The following THSD7A variants were observed in gnomAD, a reference collection of about 807,000 sequenced individuals.
THSD7A encodes thrombospondin type 1 domain containing 7A.
In THSD7A, 96 loss-of-function variants were observed where a neutral mutation model predicts 231.3. That is an observed-to-expected ratio of 0.41 (90% CI 0.35 to 0.49). The LOEUF (loss-of-function observed/expected upper bound fraction) is 0.49. THSD7A is among the 20% of genes least tolerant of loss of function. The pLI is 0.05. For synonymous variants in THSD7A, 940 were observed against 743.3 expected (o/e 1.26, Z -4.30); for missense variants, 2,290 against 2,070.2 (o/e 1.11, Z -2.06).
At chr7:11,450,625 G>T (rs757387422) in intron 11 of THSD7A, among the ~76,000 whole-genome samples, 2 of 151,954 alleles carry the variant, frequency 1.3e-5, no homozygotes, top group Non-Finnish European at 2.9e-5. Flanking sequence ...TCAACTTTAT[G>T]GATCTTAAAA....
At chr7:11,511,445 T>C (rs976143346) in intron 6 of THSD7A, among the ~76,000 whole-genome samples, 9 of 152,190 alleles carry the variant, frequency 5.9e-5, no homozygotes, top group Non-Finnish European at 1.2e-4. Flanking sequence ...TTAAAGTTCA[T>C]ATGGAACCAA....
At chr7:11,520,666 A>G (rs561782927) in intron 6 of THSD7A, among the ~76,000 whole-genome samples, 33 of 152,350 alleles carry the variant, frequency 2.2e-4, no homozygotes, top group African/African-American at 7.7e-4. Flanking sequence ...TTGACAAAAG[A>G]GTTTACAATT....
chr7:11,742,957 A>G (rs1782162235), intron 1 of THSD7A, among the ~76,000 whole-genome samples: 1 of 151,914 alleles, frequency 6.6e-6, no homozygotes, highest in African/African-American at 2.4e-5. Flanking sequence ...CATCAATGTT[A>G]GAAGTGTACC....
intron 1 of THSD7A, among the ~76,000 whole-genome samples, chr7:11,703,307 TA>T (rs1174067866): frequency 1.3e-5 from 2 of 151,216 alleles, no homozygotes; most frequent in Non-Finnish European, 3.0e-5. Context: ...AAAAATGGCC[TA>T]AAATGAACAC....
chr7:11,691,685 G>C (rs764221027), intron 1 of THSD7A, among the ~76,000 whole-genome samples: 1 of 151,058 alleles, frequency 6.6e-6, no homozygotes. Flanking sequence ...TTCAGAGTTA[G>C]TACTGTATTT....
chr7:11,678,366 G>C (rs908178219), intron 1 of THSD7A, among the ~76,000 whole-genome samples: 2 of 152,044 alleles, frequency 1.3e-5, no homozygotes, highest in African/African-American at 4.8e-5. Context: ...GAAGGAGATA[G>C]AGACACAAAA....
intron 11 of THSD7A, among the ~76,000 whole-genome samples, chr7:11,448,018 G>T (rs942379539): frequency 1.3e-5 from 2 of 151,950 alleles, no homozygotes; most frequent in Non-Finnish European, 2.9e-5. Flanking sequence ...TATTAGGAAG[G>T]GTTGGAATCA....
chr7:11,539,946 G>C (rs1298250865), intron 6 of THSD7A, among the ~76,000 whole-genome samples: 1 of 152,182 alleles, frequency 6.6e-6, no homozygotes, highest in African/African-American at 2.4e-5. Flanking sequence ...CTATTACTGA[G>C]GGAATTCAAT....
At chr7:11,589,801 T>C (rs1780080605) in intron 4 of THSD7A, among the ~76,000 whole-genome samples, 1 of 152,318 alleles carries the variant, frequency 6.6e-6, no homozygotes, top group Non-Finnish European at 1.5e-5. Context: ...TTATGATAAT[T>C]TTAGAGTCAT....
At chr7:11,525,465 AACTTACT>A in intron 6 of THSD7A, among the ~76,000 whole-genome samples, 1 of 152,178 alleles carries the variant, frequency 6.6e-6, no homozygotes, top group East Asian at 1.9e-4. Flanking sequence ...AAGCTTAAAC[AACTTACT>A]ACTTACAAGT....
intron 6 of THSD7A, among the ~76,000 whole-genome samples, chr7:11,494,189 GAC>G (rs1787008176): frequency 6.6e-6 from 1 of 151,950 alleles, no homozygotes; most frequent in South Asian, 2.1e-4. Flanking sequence ...CATGGATAAA[GAC>G]ATATTGAGTT....
chr7:11,737,072 A>G (rs905037204), intron 1 of THSD7A, among the ~76,000 whole-genome samples: 6 of 152,026 alleles, frequency 3.9e-5, no homozygotes, highest in African/African-American at 1.4e-4. Context: ...CTCCCCAACC[A>G]TGTGAAACTG....
intron 1 of THSD7A, among the ~76,000 whole-genome samples, chr7:11,660,342 T>A (rs929671049): frequency 1.4e-4 from 21 of 151,452 alleles, no homozygotes; most frequent in Admixed American, 1.1e-3. Flanking sequence ...AGCAAAGACT[T>A]GCAGAAAATT....
In THSD7A at chr7:11,750,068, A is replaced by C. The variant is rs182173978; in HGVS notation, c.190+81689T>G. Reference sequence around the variant, plus strand: ...AGACAGTGCTTTTCTAAATAACTGCAGGGTGGAATCCCTTCCCAGTTCCTG... The same window carrying C: ...AGACAGTGCTTTTCTAAATAACTGCCGGGTGGAATCCCTTCCCAGTTCCTG... On this transcript the variant is annotated intron_variant, in intron 1 of 27. Coordinates refer to ENST00000423059, the MANE Select transcript of THSD7A (RefSeq NM_015204.3). Among the ~76,000 whole-genome samples, 45 of 150,612 alleles carry C rather than the reference A, an allele frequency of 3.0e-4. No homozygotes were observed. The East Asian group carries it at 8.9e-3, about 30-fold the overall frequency.
rs531309848 is a variant in THSD7A, at chr7:11,426,841, A to T, written c.3244-170T>A. On this transcript the variant is annotated intron_variant, in intron 14 of 27. Transcript: ENST00000423059. ...CATTTTTCTTAGGTCTCAGGAGATA[A>T]TACACAACTACTTATTAATGTTAAA... Among the ~76,000 whole-genome samples, 6 of 152,306 alleles carry T rather than the reference A, an allele frequency of 3.9e-5. 1 individual carries two copies. The South Asian group carries it at 1.2e-3, about 32-fold the overall frequency.
intron 2 of THSD7A, among the ~76,000 whole-genome samples, chr7:11,596,914 T>C (rs910977349): frequency 3.3e-5 from 5 of 152,262 alleles, no homozygotes; most frequent in African/African-American, 1.2e-4. Flanking sequence ...CAGAAGCAAT[T>C]TGCCTTCAGC....
At chr7:11,595,933 T>C (rs944757048) in intron 2 of THSD7A, among the ~76,000 whole-genome samples, 1 of 152,190 alleles carries the variant, frequency 6.6e-6, no homozygotes, top group African/African-American at 2.4e-5. Context: ...CTGGCATTGG[T>C]TAATTAATCA....
intron 13 of THSD7A, among the ~76,000 whole-genome samples, chr7:11,432,587 C>G (rs1396189538): frequency 6.6e-6 from 1 of 152,000 alleles, no homozygotes; most frequent in African/African-American, 2.4e-5. Context: ...TTTGTGCTAG[C>G]CTTTTCACTC....
chr7:11,717,910 C>T (rs1583219863), intron 1 of THSD7A, among the ~76,000 whole-genome samples: 1 of 151,520 alleles, frequency 6.6e-6, no homozygotes, highest in African/African-American at 2.4e-5. Flanking sequence ...TTCAGAGTAC[C>T]TTCTAGATAA....
Sources: allele counts gnomAD v4.1 joint callset (sites outside exome capture counted in the v4.1 genomes callset), GRCh38; gene constraint gnomAD v4.1.1; transcripts MANE v1.5; gene names NCBI Gene and HGNC (gene_info 2026-07-23, HGNC 2026-07-21).